KDM3A: variants seen among roughly 807,000 people sequenced by gnomAD.
The protein encoded by KDM3A is lysine-specific demethylase 3A.
In KDM3A, 60 loss-of-function variants were observed where a neutral mutation model predicts 158.0. That is an observed-to-expected ratio of 0.38 (90% CI 0.31 to 0.47). The LOEUF (loss-of-function observed/expected upper bound fraction) is 0.47, where lower values mean the gene tolerates loss of function less well. Ranked by LOEUF, KDM3A falls within the 20% of genes least tolerant of loss-of-function variation. KDM3A has a pLI of 0.99. For synonymous variants in KDM3A, 608 were observed against 549.3 expected, an observed-to-expected ratio of 1.11 and a Z score of -1.49; for missense variants, 1,319 against 1,574.3, an observed-to-expected ratio of 0.84 and a Z score of 2.74.
intron 4 of KDM3A, among the ~76,000 whole-genome samples, chr2:86,454,486 G>A (rs1049862366): frequency 2.0e-5 from 3 of 152,126 alleles, no homozygotes; most frequent in Non-Finnish European, 4.4e-5. Flanking sequence ...GTGTCAAAAG[G>A]TTTGGAGAAC....
chr2:86,457,106 C>T (rs780491292), intron 8 of KDM3A, 35 bp downstream of exon 8: 17 of 976,678 alleles, frequency 1.7e-5, no homozygotes, highest in Admixed American at 2.8e-5. Flanking sequence ...GTAAAGCTTT[C>T]CTTAACTCCA....
rs771290557 is a variant in KDM3A at position 86,491,095 on chromosome 2, A to G, written c.3750+38A>G. 4 of 1,613,152 alleles carry G rather than the reference A, an allele frequency of 2.5e-6. No homozygotes were observed. In the Admixed American group the frequency reaches 5.0e-5, roughly 20 times the overall value. ...ACTTTTTCTTTAATCTCTTTATGTC[A>G]TGAACTTTTGGGTTTGTTACTGATA... On this transcript the variant is annotated intron_variant, in intron 24 of 25. Transcript: ENST00000312912.
chr2:86,462,147 A>G (rs978722490), intron 8 of KDM3A, among the ~76,000 whole-genome samples: 16 of 152,116 alleles, frequency 1.1e-4, no homozygotes, highest in African/African-American at 3.9e-4. Flanking sequence ...ATACTTTGCA[A>G]ATAGAGGCAA....
At position 86,470,194 on chromosome 2, in the gene KDM3A, G is replaced by T; in HGVS notation, c.1520-10G>T. Reference sequence around the variant, plus strand: ...TGAGGTCCTGTCTCCTTAATCTTTTGTTTTCCTAGCCCCATCCAGGAAGTC... The same window carrying T: ...TGAGGTCCTGTCTCCTTAATCTTTTTTTTTCCTAGCCCCATCCAGGAAGTC... On this transcript the variant is annotated splice_polypyrimidine_tract_variant and intron_variant, in intron 10 of 25. Transcript: ENST00000312912. The T allele has an allele frequency of 6.2e-7, 1 of 1,613,272 alleles. No individual in the cohort carries two copies. The highest frequency in any genetic ancestry group is 8.5e-7 in the Non-Finnish European group (1 of 1,179,600).
intron 16 of KDM3A, among the ~76,000 whole-genome samples, chr2:86,480,751 C>T (rs1673885553): frequency 6.6e-6 from 1 of 152,132 alleles, no homozygotes; most frequent in South Asian, 2.1e-4. Flanking sequence ...CTTAAAAGAA[C>T]TCATAAATTA....
At chr2:86,441,766 C>A (rs955977683) in intron 1 of KDM3A, among the ~76,000 whole-genome samples, 2 of 150,840 alleles carry the variant, frequency 1.3e-5, no homozygotes, top group African/African-American at 2.4e-5. Context: ...CCCTCACTCC[C>A]TCTGCGGTTG....
In KDM3A at chr2:86,472,614, G is replaced by A. The variant is rs542830419; in HGVS notation, c.1725-2162G>A. ...ATTTTGACTGCTTGAAATAATTTGC[G>A]TGTGTTAGGTAACAGTGTCTTGTCC... On this transcript the variant is annotated intron_variant, in intron 11 of 25. Transcript: ENST00000312912. 2.4e-4 allele frequency among the ~76,000 whole-genome samples: 37 copies of A among 152,140 alleles called. No homozygotes were observed. The East Asian group carries it at 2.9e-3, about 12-fold the overall frequency.
At chr2:86,471,321 ATGTGTATG>A (rs1222810521) in intron 11 of KDM3A, among the ~76,000 whole-genome samples, 2 of 151,386 alleles carry the variant, frequency 1.3e-5, no homozygotes, top group African/African-American at 2.4e-5. Context: ...ATATGTGTAT[ATGTGTATG>A]TGTGTATATA....
intron 4 of KDM3A, among the ~76,000 whole-genome samples, chr2:86,453,167 G>T (rs143920342): frequency 6.6e-6 from 1 of 152,184 alleles, no homozygotes; most frequent in African/African-American, 2.4e-5. Flanking sequence ...ATTTGTTCTC[G>T]GGAAGAGGGG....
At chr2:86,477,011 T>C (rs763418190) in intron 12 of KDM3A, among the ~76,000 whole-genome samples, 1 of 152,218 alleles carries the variant, frequency 6.6e-6, no homozygotes, top group South Asian at 2.1e-4. Context: ...CACAGAAATG[T>C]CCTCCCTTTG....
chr2:86,452,805 T>G (rs958685394), intron 4 of KDM3A, among the ~76,000 whole-genome samples: 34 of 152,196 alleles, frequency 2.2e-4, no homozygotes, highest in Admixed American at 1.8e-3. Flanking sequence ...TACTTCCATA[T>G]CTGGAAAGTG....
At chr2:86,459,876 T>A (rs1333583316) in intron 8 of KDM3A, among the ~76,000 whole-genome samples, 1 of 152,192 alleles carries the variant, frequency 6.6e-6, no homozygotes, top group Non-Finnish European at 1.5e-5. Context: ...AGCCTGGAGA[T>A]AAGTTTCTTA....
At chr2:86,473,793 T>C (rs904087553) in intron 11 of KDM3A, among the ~76,000 whole-genome samples, 1 of 152,114 alleles carries the variant, frequency 6.6e-6, no homozygotes, top group African/African-American at 2.4e-5. Context: ...TTAAAACTAA[T>C]ACATAGCTTA....
chr2:86,480,029 G>A, intron 15 of KDM3A, 138 bp from the exon 16 acceptor site: 1 of 658,120 alleles, frequency 1.5e-6, no homozygotes, highest in South Asian at 1.8e-5. Context: ...CAGCTGTGGG[G>A]ATACCCAGGG....
intron 10 of KDM3A, 47 bp downstream of exon 10, chr2:86,466,930 GATATAT>G: frequency 7.2e-7 from 1 of 1,381,072 alleles, no homozygotes; most frequent in Admixed American, 2.1e-5. Context: ...AGAAATGGTA[GATATAT>G]ATATCTCTTT....
intron 4 of KDM3A, among the ~76,000 whole-genome samples, chr2:86,454,354 C>T (rs1301717416): frequency 6.6e-6 from 1 of 152,092 alleles, no homozygotes; most frequent in Non-Finnish European, 1.5e-5. Flanking sequence ...TTGCTCATCC[C>T]CAGGGTGGCC....
chr2:86,449,875 G>A lies in KDM3A; in HGVS notation c.255G>A (p.Arg85=), dbSNP rs369893289. ...GGATAGAAGTCTACAGCCTTCTAAG[G>A]AGAGCATTTTTAGTAGAACATAATT... is the stretch of plus-strand genomic sequence containing the variant. ...RRWIEVYSLL[R]RAFLVEHNLV... is the part of the protein sequence containing the mutation. Residue 85 remains arginine (R), a synonymous_variant, in exon 3 of 26, where the codon AGG becomes AGA. Transcript: ENST00000312912. The A allele has an allele frequency of 9.9e-6, 16 of 1,613,732 alleles. No homozygotes were observed. The highest frequency in any genetic ancestry group is 1.4e-5 in the Non-Finnish European group (16 of 1,179,866).
intron 16 of KDM3A, among the ~76,000 whole-genome samples, chr2:86,480,585 GAGA>G (rs1673878804): frequency 6.6e-6 from 1 of 152,194 alleles, no homozygotes; most frequent in South Asian, 2.1e-4. Flanking sequence ...TGTTACAGAA[GAGA>G]AGAATTGCAG....
intron 4 of KDM3A, among the ~76,000 whole-genome samples, chr2:86,452,302 A>G (rs6547691): frequency 1 from 151,453 of 152,096 alleles, 75,411 homozygotes; most frequent in East Asian, 1. Context: ...GATAAGCTTC[A>G]TTCGTCTGAG....
Sources: gnomAD v4.1 joint callset for allele counts (sites outside exome capture counted in the v4.1 genomes callset) on GRCh38, gnomAD v4.1.1 for gene constraint, MANE v1.5 for transcripts, NCBI Gene and HGNC (gene_info 2026-07-23, HGNC 2026-07-21) for gene names.